The following RHBDD1 variants were observed in gnomAD, a reference collection of about 807,000 sequenced individuals.
RHBDD1 encodes rhomboid-related protein 4.
A neutral mutation model predicts 36.3 loss-of-function variants in RHBDD1; 38 were observed. That is an observed-to-expected ratio of 1.05 (90% CI 0.81 to 1.37). RHBDD1 has a LOEUF of 1.37. Among genes scored for constraint, RHBDD1 ranks in the 40% most tolerant of loss-of-function variants. The probability of loss-of-function intolerance (pLI) is 0.00; values close to 1 mark genes in which losing one functional copy is unlikely to be tolerated. For synonymous variants in RHBDD1, 151 were observed against 136.5 expected, an observed-to-expected ratio of 1.11 and a Z score of -0.74; for missense variants, 393 against 377.6, an observed-to-expected ratio of 1.04 and a Z score of -0.34.
intron 8 of RHBDD1, among the ~76,000 whole-genome samples, chr2:226,926,042 C>A (rs1949647772): frequency 6.6e-6 from 1 of 151,984 alleles, no homozygotes; most frequent in South Asian, 2.1e-4. Flanking sequence ...TGGAGACATC[C>A]TGTTACTTTG....
chr2:226,918,204 A>G (rs931989425), intron 8 of RHBDD1, among the ~76,000 whole-genome samples: 1 of 151,954 alleles, frequency 6.6e-6, no homozygotes, highest in African/African-American at 2.4e-5. Context: ...TTGTGGATAC[A>G]TAGCAGGTGT....
chr2:226,814,566 T>G, the RHBDD1 span, among the ~76,000 whole-genome samples: 1 of 152,052 alleles, frequency 6.6e-6, no homozygotes, highest in Non-Finnish European at 1.5e-5. Flanking sequence ...TCTGTTTCAA[T>G]AGACCAAAGG....
intron 8 of RHBDD1, among the ~76,000 whole-genome samples, chr2:226,964,615 A>C (rs1249388823): frequency 6.6e-6 from 1 of 152,244 alleles, no homozygotes; most frequent in African/African-American, 2.4e-5. Flanking sequence ...AGCCTCTAAA[A>C]TTACAAATAA....
At chr2:226,988,296 C>T (rs1391306802) in intron 8 of RHBDD1, 1 of 1,538,910 alleles carries the variant, frequency 6.5e-7, no homozygotes, top group Non-Finnish European at 8.8e-7. Flanking sequence ...TTCCCCTGTC[C>T]TTCCCTTCCA....
intron 3 of RHBDD1, among the ~76,000 whole-genome samples, chr2:226,846,578 T>C (rs1032194471): frequency 1.3e-5 from 2 of 151,948 alleles, no homozygotes; most frequent in Non-Finnish European, 2.9e-5. Flanking sequence ...ACCTTGTCTC[T>C]ACTAAAACTG....
At chr2:226,870,437 C>T (rs1405109824) in intron 5 of RHBDD1, among the ~76,000 whole-genome samples, 8 of 152,054 alleles carry the variant, frequency 5.3e-5, no homozygotes, top group African/African-American at 1.9e-4. Context: ...TCCCTACTTC[C>T]CTTTGCTCCT....
intron 5 of RHBDD1, among the ~76,000 whole-genome samples, chr2:226,895,216 G>A (rs1947002486): frequency 6.6e-6 from 1 of 152,220 alleles, no homozygotes; most frequent in African/African-American, 2.4e-5. Flanking sequence ...TGAGGGCACG[G>A]TTACATGAGC....
chr2:226,960,769 C>CA (rs773835035), intron 8 of RHBDD1, among the ~76,000 whole-genome samples: 12 of 152,296 alleles, frequency 7.9e-5, no homozygotes, highest in Non-Finnish European at 7.4e-5. Flanking sequence ...CCTTAGCAGT[C>CA]ACTCTCTTCA....
intron 3 of RHBDD1, among the ~76,000 whole-genome samples, chr2:226,845,555 C>T (rs1424817075): frequency 6.6e-6 from 1 of 152,176 alleles, no homozygotes; most frequent in Non-Finnish European, 1.5e-5. Flanking sequence ...TTTCCCAAAG[C>T]CCATCTCTTT....
the RHBDD1 span, among the ~76,000 whole-genome samples, chr2:226,814,684 A>C: frequency 6.6e-6 from 1 of 152,226 alleles, no homozygotes; most frequent in Admixed American, 6.5e-5. Context: ...GTTGAAACAA[A>C]TTGGATATTT....
chr2:226,916,550 A>C (rs1032534558), intron 8 of RHBDD1, among the ~76,000 whole-genome samples: 1 of 152,218 alleles, frequency 6.6e-6, no homozygotes, highest in Non-Finnish European at 1.5e-5. Flanking sequence ...CTGACTTCAA[A>C]TAAAGTCAAA....
At chr2:226,978,256 T>G (rs1954941937) in intron 8 of RHBDD1, among the ~76,000 whole-genome samples, 1 of 152,214 alleles carries the variant, frequency 6.6e-6, no homozygotes, top group African/African-American at 2.4e-5. Flanking sequence ...AATATTCAAT[T>G]TGTACTCTTT....
At chr2:226,940,954 T>C (rs13400808) in intron 8 of RHBDD1, among the ~76,000 whole-genome samples, 65,174 of 149,678 alleles carry the variant, frequency 0.44, 14,206 homozygotes, top group South Asian at 0.52. Flanking sequence ...TTTTTCCTTT[T>C]TTTTTTTTTT....
intron 5 of RHBDD1, among the ~76,000 whole-genome samples, chr2:226,874,734 T>C (rs2125328062): frequency 6.6e-6 from 1 of 152,220 alleles, no homozygotes; most frequent in East Asian, 1.9e-4. Flanking sequence ...CCTTGCCATA[T>C]ATGGTTACAT....
intron 3 of RHBDD1, among the ~76,000 whole-genome samples, chr2:226,849,775 A>ATATATC (rs966470585): frequency 5.9e-5 from 9 of 152,274 alleles, no homozygotes; most frequent in East Asian, 3.9e-4. Flanking sequence ...ATCTATATCT[A>ATATATC]TATATCTATA....
intron 8 of RHBDD1, among the ~76,000 whole-genome samples, chr2:226,993,716 TC>T (rs1281029762): frequency 1.2e-4 from 18 of 152,202 alleles, no homozygotes; most frequent in Non-Finnish European, 1.8e-4. Flanking sequence ...ACTGGGATCT[TC>T]ATCAGTAGAG....
intron 5 of RHBDD1, among the ~76,000 whole-genome samples, chr2:226,881,153 T>C (rs1241045627): frequency 6.6e-6 from 1 of 152,118 alleles, no homozygotes; most frequent in African/African-American, 2.4e-5. Context: ...CCAGATCTCC[T>C]GAGAACTCAC....
At chr2:226,904,250 G>T (rs540267379) in intron 5 of RHBDD1, among the ~76,000 whole-genome samples, 1 of 152,294 alleles carries the variant, frequency 6.6e-6, no homozygotes, top group African/African-American at 2.4e-5. Flanking sequence ...TGGGTTTCAG[G>T]AGTCGCAGAT....
chr2:226,842,642 T>C (rs541933860), intron 3 of RHBDD1, among the ~76,000 whole-genome samples: 1 of 152,328 alleles, frequency 6.6e-6, no homozygotes, highest in South Asian at 2.1e-4. Context: ...TCCATCTGTC[T>C]ATGTATCTGT....
Sources: allele counts gnomAD v4.1 joint callset (sites outside exome capture counted in the v4.1 genomes callset), GRCh38; gene constraint gnomAD v4.1.1; transcripts MANE v1.5; gene names NCBI Gene and HGNC (gene_info 2026-07-23, HGNC 2026-07-21).